ARHGAP26: variants seen among roughly 807,000 people sequenced by gnomAD.
ARHGAP26 encodes rho GTPase-activating protein 26.
In ARHGAP26, 38 loss-of-function variants were observed where a neutral mutation model predicts 104.8. That is an observed-to-expected ratio of 0.36 (90% CI 0.28 to 0.48). The LOEUF (loss-of-function observed/expected upper bound fraction) is 0.48. Among genes scored for constraint, ARHGAP26 ranks in the 20% least tolerant of loss-of-function variants. The pLI, the probability that ARHGAP26 is intolerant of heterozygous loss-of-function variation, is 0.99. For missense variants in ARHGAP26, 704 were observed against 947.9 expected, an observed-to-expected ratio of 0.74 and a Z score of 3.38; for synonymous variants, 341 against 340.0, an observed-to-expected ratio of 1.00 and a Z score of -0.03.
chr5:143,003,236 C>T (rs1285001265), intron 11 of ARHGAP26, among the ~76,000 whole-genome samples: 1 of 152,200 alleles, frequency 6.6e-6, no homozygotes, highest in South Asian at 2.1e-4. Flanking sequence ...CACCTACATG[C>T]TCCAGGAGGA....
At chr5:143,106,597 C>G (rs1023511276) in intron 17 of ARHGAP26, among the ~76,000 whole-genome samples, 2 of 151,464 alleles carry the variant, frequency 1.3e-5, no homozygotes, top group Admixed American at 1.3e-4. Flanking sequence ...CTCAGCCTCC[C>G]GAGTAGCTGG....
At chr5:142,835,621 T>A (rs1420114389) in intron 1 of ARHGAP26, among the ~76,000 whole-genome samples, 1 of 152,242 alleles carries the variant, frequency 6.6e-6, no homozygotes, top group Non-Finnish European at 1.5e-5. Context: ...CGTGATTTGG[T>A]AATGATAATA....
At chr5:142,819,749 A>G (rs909815029) in intron 1 of ARHGAP26, among the ~76,000 whole-genome samples, 3 of 152,254 alleles carry the variant, frequency 2.0e-5, no homozygotes, top group Admixed American at 6.5e-5. Context: ...TTTCACAATC[A>G]TTACATAGAA....
At chr5:143,080,244 A>G (rs958374018) in intron 17 of ARHGAP26, among the ~76,000 whole-genome samples, 1 of 152,242 alleles carries the variant, frequency 6.6e-6, no homozygotes, top group African/African-American at 2.4e-5. Context: ...CTTAGAGCTT[A>G]AAGTTAAATT....
At chr5:143,057,834 T>G (rs746878196) in intron 17 of ARHGAP26, 87 bp downstream of exon 17, 1 of 1,117,166 alleles carries the variant, frequency 9.0e-7, no homozygotes, top group Admixed American at 1.8e-5. Flanking sequence ...CTGCTTTTGT[T>G]TCTCTCTCCC....
chr5:143,135,101 T>A lies in ARHGAP26; in HGVS notation c.1837+996T>A, dbSNP rs146877015. 1.3e-3 allele frequency among the ~76,000 whole-genome samples: 205 copies of A among 152,350 alleles called. 1 individual carries two copies. The highest frequency in any genetic ancestry group is 4.3e-3 in the African/African-American group (177 of 41,562). On this transcript the variant is annotated intron_variant, in intron 19 of 22. Coordinates refer to ENST00000645722, the MANE Select transcript of ARHGAP26 (RefSeq NM_001135608.3). ...TACAAATGTGAGTCAGCATCACAGC[T>A]GCTTCATTAGAGATATACACATTGA...
At chr5:143,195,418 C>G (rs981888024) in intron 20 of ARHGAP26, among the ~76,000 whole-genome samples, 1 of 152,102 alleles carries the variant, frequency 6.6e-6, no homozygotes, top group African/African-American at 2.4e-5. Context: ...TCTTTTTCCT[C>G]CCCCTAGTCC....
chr5:142,966,693 C>T (rs1003753082), intron 11 of ARHGAP26, among the ~76,000 whole-genome samples: 1 of 152,184 alleles, frequency 6.6e-6, no homozygotes, highest in Non-Finnish European at 1.5e-5. Flanking sequence ...AGATTCTATA[C>T]AGGAAAATCG....
intron 1 of ARHGAP26, among the ~76,000 whole-genome samples, chr5:142,795,737 T>C (rs1204411933): frequency 6.6e-6 from 1 of 152,184 alleles, no homozygotes. Flanking sequence ...GTTAGAATTG[T>C]GGAGTTTTGT....
chr5:143,218,974 A>G (rs1273065156), intron 22 of ARHGAP26, among the ~76,000 whole-genome samples: 2 of 152,280 alleles, frequency 1.3e-5, no homozygotes, highest in Admixed American at 6.5e-5. Context: ...AAGTGAGGAT[A>G]ATAGCAGAAC....
chr5:142,814,598 T>A (rs1379547088), intron 1 of ARHGAP26, among the ~76,000 whole-genome samples: 2 of 152,174 alleles, frequency 1.3e-5, no homozygotes, highest in African/African-American at 4.8e-5. Flanking sequence ...CAAGGTGAGA[T>A]AAACAAGTAA....
intron 4 of ARHGAP26, among the ~76,000 whole-genome samples, chr5:142,882,593 A>G (rs906128526): frequency 1.3e-5 from 2 of 152,222 alleles, no homozygotes; most frequent in Admixed American, 6.5e-5. Flanking sequence ...GGTTACCTTC[A>G]TGGCACACAG....
At chr5:142,853,045 G>A (rs1751801058) in intron 1 of ARHGAP26, among the ~76,000 whole-genome samples, 1 of 152,186 alleles carries the variant, frequency 6.6e-6, no homozygotes, top group Non-Finnish European at 1.5e-5. Flanking sequence ...CTGATGAGGG[G>A]AGGCCAGAGA....
Position 143,224,672 on chromosome 5 carries a change from G to A in ARHGAP26, c.*2226G>A. On this transcript the variant is annotated 3_prime_UTR_variant, in exon 23 of 23. Transcript: ENST00000645722. ...TAGTTTTCAAATTTTGTGTGCGTCTGTAAGTTCTTAAAGAACCAGCTTCTT... is the reference window on the plus strand; with the variant it reads ...TAGTTTTCAAATTTTGTGTGCGTCTATAAGTTCTTAAAGAACCAGCTTCTT... 1 of 229,908 alleles carries A rather than the reference G, an allele frequency of 4.3e-6. No individual in the cohort carries two copies. The highest frequency in any genetic ancestry group is 6.2e-5 in the East Asian group (1 of 16,132). 14.2% of individuals were successfully genotyped at this position (229,908 alleles called of 1,614,324 possible). A position where few individuals can be genotyped will look rare whatever the true frequency, so the allele number is the denominator to read the frequency against.
At chr5:143,090,994 A>C (rs1791341424) in intron 17 of ARHGAP26, among the ~76,000 whole-genome samples, 1 of 152,238 alleles carries the variant, frequency 6.6e-6, no homozygotes, top group Non-Finnish European at 1.5e-5. Context: ...GACAAGCATT[A>C]AATGCAATAG....
rs1181949445 is a variant in ARHGAP26 at position 142,871,467 on chromosome 5, G to A, written c.155-1933G>A. On this transcript the variant is annotated intron_variant, in intron 1 of 22. Transcript: ENST00000645722. This position sits in a 1 kb window ranked among gnomAD's most constrained non-coding sequence, Gnocchi z 4.1. ...GGGGAGGCACAGGATTGTCGGGTGG[G>A]TAGAAAGGCAAACCTGTGTTACTCT... Among the ~76,000 whole-genome samples the A allele has an allele frequency of 1.3e-5, 2 of 152,294 alleles. No homozygotes were observed. The highest frequency in any genetic ancestry group is 1.9e-4 in the East Asian group (1 of 5,184).
At chr5:143,092,410 C>T (rs1389324626) in intron 17 of ARHGAP26, among the ~76,000 whole-genome samples, 1 of 152,126 alleles carries the variant, frequency 6.6e-6, no homozygotes, top group Non-Finnish European at 1.5e-5. Flanking sequence ...GTGATCCGCC[C>T]ACCTCGGCCT....
chr5:142,926,317 C>T (rs2152518438), intron 10 of ARHGAP26, among the ~76,000 whole-genome samples: 1 of 152,208 alleles, frequency 6.6e-6, no homozygotes, highest in East Asian at 1.9e-4. Flanking sequence ...AATTCCAGAT[C>T]CTCGTTCATG....
At chr5:143,190,295 A>G (rs1805756244) in intron 20 of ARHGAP26, among the ~76,000 whole-genome samples, 1 of 152,184 alleles carries the variant, frequency 6.6e-6, no homozygotes, top group Non-Finnish European at 1.5e-5. Flanking sequence ...TATATCTTCC[A>G]ACACATGCTT....
Sources: allele counts gnomAD v4.1 joint callset (sites outside exome capture counted in the v4.1 genomes callset), GRCh38; gene constraint gnomAD v4.1.1; non-coding constraint Gnocchi (gnomAD v3.1); transcripts MANE v1.5; gene names NCBI Gene and HGNC (gene_info 2026-07-23, HGNC 2026-07-21).